Variants in ITSN1 observed in about 807,000 individuals in gnomAD.
ITSN1 encodes intersectin 1.
ITSN1 carries 58 observed loss-of-function variants against 239.8 expected under a neutral mutation model. The ratio of observed to expected loss-of-function variants is 0.24; its 90% CI spans 0.20 to 0.30. The LOEUF (loss-of-function observed/expected upper bound fraction) is 0.30, where lower values mean the gene tolerates loss of function less well. Among genes scored for constraint, ITSN1 ranks in the 10% least tolerant of loss-of-function variants. The probability of loss-of-function intolerance (pLI) is 1.00; values close to 1 mark genes in which losing one functional copy is unlikely to be tolerated. For missense variants in ITSN1, 1,558 were observed against 2,103.3 expected, an observed-to-expected ratio of 0.74 and a Z score of 5.07; for synonymous variants, 780 against 770.8, an observed-to-expected ratio of 1.01 and a Z score of -0.20.
chr21:33,826,872 C>T lies in ITSN1; in HGVS notation c.3229+9C>T, dbSNP rs771967469. The T allele has an allele frequency of 6.2e-6, 10 of 1,610,202 alleles. No homozygotes were observed. Among genetic ancestry groups the T allele is most frequent in the Non-Finnish European group, 8.5e-6 (10 of 1,176,574 alleles). On this transcript the variant is annotated intron_variant, in intron 26 of 39. Transcript: ENST00000381318. ...TTTAGGAAAAAAACCTGGTAAGTTA[C>T]AAACCCTGATGCTTACTTTTCAATG... is the stretch of plus-strand genomic sequence containing the variant.
chr21:33,732,224 T>C (rs1459023461), intron 4 of ITSN1, among the ~76,000 whole-genome samples: 1 of 152,162 alleles, frequency 6.6e-6, no homozygotes, highest in East Asian at 1.9e-4. Flanking sequence ...ATGGTAAATA[T>C]TTCTTATCAG....
intron 29 of ITSN1, among the ~76,000 whole-genome samples, chr21:33,849,422 T>C (rs1272464376): frequency 6.6e-6 from 1 of 151,600 alleles, no homozygotes; most frequent in Non-Finnish European, 1.5e-5. Flanking sequence ...AAATATTAGC[T>C]GGGCGTGGTG....
At chr21:33,782,200 G>A (rs2070251732) in intron 16 of ITSN1, 67 bp downstream of exon 16, 41 of 1,464,782 alleles carry the variant, frequency 2.8e-5, no homozygotes, top group Non-Finnish European at 3.8e-5. Flanking sequence ...CAAATGATTA[G>A]TTGCTATTTA....
chr21:33,723,429 A>G (rs748911718), intron 4 of ITSN1, among the ~76,000 whole-genome samples: 5 of 152,172 alleles, frequency 3.3e-5, no homozygotes, highest in African/African-American at 1.2e-4. Flanking sequence ...CCTGGATAAC[A>G]CGGTGAAACC....
chr21:33,709,514 T>C (rs547712485), intron 1 of ITSN1, among the ~76,000 whole-genome samples: 2 of 152,272 alleles, frequency 1.3e-5, no homozygotes, highest in African/African-American at 4.8e-5. Flanking sequence ...ACTCCTGTCC[T>C]CAGGTGACTC....
intron 1 of ITSN1, among the ~76,000 whole-genome samples, chr21:33,694,993 AT>A (rs2091732568): frequency 6.6e-6 from 1 of 151,938 alleles, no homozygotes; most frequent in South Asian, 2.1e-4. Context: ...TGTTTTTTTT[AT>A]TTGTAGAGAT....
At position 33,782,252 on chromosome 21, in the gene ITSN1, T is replaced by A. The variant is rs2070256727; in HGVS notation, c.1824+119T>A. On this transcript the variant is annotated intron_variant, in intron 16 of 39. Transcript: ENST00000381318. ...TTTATTATGCCATTGTGAGACAATC[T>A]AAATTGCACTTTTCTCCTTGAAAAT... 1.3e-5 allele frequency: 13 copies of A among 978,438 alleles called. No individual in the cohort carries two copies. In the South Asian group the frequency reaches 1.7e-4, roughly 13 times the overall value. 60.6% of individuals were successfully genotyped at this position (978,438 alleles called of 1,614,324 possible).
At position 33,762,004 on chromosome 21, in the gene ITSN1, C is replaced by G. The variant is rs2068366784; in HGVS notation, c.788+18C>G. ...TCAATATGGTAAGGAATGAAAAGTTCTTTGGTTTGGATAAAGTGGAAACTT... is the reference window on the plus strand; with the variant it reads ...TCAATATGGTAAGGAATGAAAAGTTGTTTGGTTTGGATAAAGTGGAAACTT... On this transcript the variant is annotated intron_variant, in intron 9 of 39. Transcript: ENST00000381318. 5 of 1,594,008 alleles carry G rather than the reference C, an allele frequency of 3.1e-6. No individual in the cohort carries two copies. Among genetic ancestry groups the G allele is most frequent in the Non-Finnish European group, 4.3e-6 (5 of 1,161,708 alleles).
chr21:33,855,754 A>C (rs973556443), intron 29 of ITSN1, among the ~76,000 whole-genome samples: 1 of 152,192 alleles, frequency 6.6e-6, no homozygotes. Flanking sequence ...GGCCTCCATG[A>C]TGGTCTTGTG....
At chr21:33,870,408 A>G (rs1440100695) in intron 33 of ITSN1, among the ~76,000 whole-genome samples, 1 of 152,210 alleles carries the variant, frequency 6.6e-6, no homozygotes, top group East Asian at 1.9e-4. Context: ...TTATTTGCAG[A>G]AACACGATTG....
intron 25 of ITSN1, among the ~76,000 whole-genome samples, chr21:33,824,283 G>T (rs2073857115): frequency 6.6e-6 from 1 of 152,166 alleles, no homozygotes; most frequent in South Asian, 2.1e-4. Context: ...GTGGTCTTAA[G>T]ATAGTGCAAG....
chr21:33,672,190 C>T (rs901037756), intron 1 of ITSN1, among the ~76,000 whole-genome samples: 3 of 151,392 alleles, frequency 2.0e-5, no homozygotes, highest in Non-Finnish European at 4.4e-5. Flanking sequence ...TTACGGTGAG[C>T]TGGGCAACAA....
intron 19 of ITSN1, among the ~76,000 whole-genome samples, chr21:33,800,969 A>G (rs1330491023): frequency 7.1e-6 from 1 of 141,844 alleles, no homozygotes; most frequent in Non-Finnish European, 1.6e-5. Context: ...GGGCTCAAGC[A>G]AAGCGATTCT....
intron 22 of ITSN1, chr21:33,814,627 T>C (rs1021266777): frequency 6.5e-6 from 1 of 152,702 alleles, no homozygotes; most frequent in Non-Finnish European, 1.5e-5. Flanking sequence ...TTTCTATCAA[T>C]AATCATGCCA....
At chr21:33,728,214 C>G (rs1042765184) in intron 4 of ITSN1, among the ~76,000 whole-genome samples, 7 of 152,136 alleles carry the variant, frequency 4.6e-5, no homozygotes, top group Non-Finnish European at 8.8e-5. Context: ...ATCCACCTGC[C>G]TCGGCCTCTC....
chr21:33,703,256 G>A (rs1416649966), intron 1 of ITSN1, among the ~76,000 whole-genome samples: 2 of 151,678 alleles, frequency 1.3e-5, no homozygotes, highest in Non-Finnish European at 2.9e-5. Context: ...TTTATTAGAG[G>A]CCTTCTACTT....
At chr21:33,881,145 C>T (rs567873277) in intron 34 of ITSN1, among the ~76,000 whole-genome samples, 3 of 152,236 alleles carry the variant, frequency 2.0e-5, no homozygotes, top group Admixed American at 6.5e-5. Context: ...TGGTGGCTCA[C>T]GCCGGTAATC....
chr21:33,777,989 G>A (rs939634894), intron 14 of ITSN1, among the ~76,000 whole-genome samples: 1 of 152,150 alleles, frequency 6.6e-6, no homozygotes, highest in Non-Finnish European at 1.5e-5. Flanking sequence ...ATGAATGGGT[G>A]TTGAAATAGA....
intron 1 of ITSN1, among the ~76,000 whole-genome samples, chr21:33,716,907 G>A (rs1048380033): frequency 1.3e-5 from 2 of 150,574 alleles, no homozygotes; most frequent in East Asian, 2.0e-4. Context: ...AGCTGAGATC[G>A]CCTGGGCAAC....
Sources: allele counts gnomAD v4.1 joint callset (sites outside exome capture counted in the v4.1 genomes callset), GRCh38; gene constraint gnomAD v4.1.1; transcripts MANE v1.5; gene names NCBI Gene and HGNC (gene_info 2026-07-23, HGNC 2026-07-21).